Variants in MTM1 observed in about 807,000 individuals in gnomAD.
MTM1 encodes myotubularin 1.
In MTM1, 9 loss-of-function variants were observed where a neutral mutation model predicts 52.1. That is an observed-to-expected ratio of 0.17 (90% confidence interval 0.10 to 0.30). The LOEUF is 0.30. Among genes scored for constraint, MTM1 ranks in the 10% least tolerant of loss-of-function variants. The pLI is 1.00. For synonymous variants in MTM1, 136 were observed against 163.8 expected (o/e 0.83, Z 1.29); for missense variants, 277 against 470.7 (o/e 0.59, Z 3.81).
At chrX:150,582,240 A>G (rs2038598728) in intron 1 of MTM1, among the ~76,000 whole-genome samples, 2 of 111,224 alleles carry the variant, frequency 1.8e-5, no homozygotes, top group Non-Finnish European at 3.8e-5. Flanking sequence ...AGTTAGGAGT[A>G]TCTCAGAATG....
chrX:150,591,538 T>C (rs1362273300), intron 1 of MTM1, among the ~76,000 whole-genome samples: 2 of 112,769 alleles, frequency 1.8e-5, no homozygotes, highest in Admixed American at 1.9e-4. Context: ...CTTTCTTGAC[T>C]ATTTCTTAAG....
chrX:150,595,973 G>A (rs1200509104), intron 2 of MTM1, among the ~76,000 whole-genome samples: 1 of 110,833 alleles, frequency 9.0e-6, no homozygotes, highest in Non-Finnish European at 1.9e-5. Context: ...CTTAGTAAAT[G>A]TGAGGAAGTA....
At chrX:150,593,175 G>A (rs1315406577) in intron 2 of MTM1, among the ~76,000 whole-genome samples, 3 of 111,887 alleles carry the variant, frequency 2.7e-5, no homozygotes, top group Non-Finnish European at 5.6e-5. Flanking sequence ...TACCTTATAT[G>A]TGTTAAGTGA....
chrX:150,595,873 T>A (rs1329773289), intron 2 of MTM1, among the ~76,000 whole-genome samples: 1 of 112,698 alleles, frequency 8.9e-6, no homozygotes, highest in Non-Finnish European at 1.9e-5. Flanking sequence ...AGTAAAGTGA[T>A]GTGAAGAATT....
rs1236989114 is a variant in MTM1, at chrX:150,583,498, TATAA to T, written c.-10-9103_-10-9100del. 4.7e-4 allele frequency among the ~76,000 whole-genome samples: 16 copies of T among 33,827 alleles called. 4 individuals carry two copies. Among genetic ancestry groups the T allele is most frequent in the African/African-American group, 1.7e-3 (14 of 8,288 alleles). 29.4% of individuals were successfully genotyped at this position (33,827 alleles called of 115,157 possible). On this transcript the variant is annotated intron_variant, in intron 1 of 14. Coordinates refer to ENST00000370396, the MANE Select transcript of MTM1 (RefSeq NM_000252.3). Reference sequence around the variant, plus strand: ...TAAATTATATATATTATATATAAATTATAAATATATATAATTTATATATATTATA... The same window carrying T: ...TAAATTATATATATTATATATAAATTATATATATAATTTATATATATTATA...
chrX:150,653,077 G>A (rs1412295100), intron 10 of MTM1, among the ~76,000 whole-genome samples: 2 of 111,600 alleles, frequency 1.8e-5, no homozygotes, highest in Admixed American at 9.5e-5. Flanking sequence ...TGAAAGAAAT[G>A]AAAGAAACTG....
chrX:150,573,985 T>C (rs782684421), intron 1 of MTM1, among the ~76,000 whole-genome samples: 3 of 111,516 alleles, frequency 2.7e-5, no homozygotes, highest in Non-Finnish European at 5.7e-5. Flanking sequence ...ACTAGGAGGA[T>C]ATGAGAAACC....
At chrX:150,639,223 C>T (rs1317690082) in intron 7 of MTM1, among the ~76,000 whole-genome samples, 197 bp downstream of exon 7, 6 of 112,309 alleles carry the variant, frequency 5.3e-5, no homozygotes, top group African/African-American at 1.9e-4. Flanking sequence ...CATTCCATTG[C>T]CATATGCAAG....
At chrX:150,630,008 A>T (rs2039639077) in intron 6 of MTM1, among the ~76,000 whole-genome samples, 1 of 112,323 alleles carries the variant, frequency 8.9e-6, no homozygotes, top group African/African-American at 3.2e-5. Context: ...TCTTCATTCC[A>T]TGTACTACCT....
upstream of MTM1, among the ~76,000 whole-genome samples, chrX:150,564,566 A>G (rs1358988344): frequency 2.7e-5 from 3 of 110,717 alleles, no homozygotes; most frequent in Non-Finnish European, 5.7e-5. Flanking sequence ...TATTTTTAGT[A>G]GAGACGGGGT....
At chrX:150,618,929 T>C in intron 5 of MTM1, 109 bp from the exon 6 acceptor site, 8 of 595,125 alleles carry the variant, frequency 1.3e-5, no homozygotes, top group Admixed American at 2.4e-5. Context: ...TTAGATTAAT[T>C]GCCCTTTTAG....
intron 4 of MTM1, among the ~76,000 whole-genome samples, chrX:150,599,886 G>A: frequency 8.9e-6 from 1 of 112,182 alleles, no homozygotes; most frequent in Non-Finnish European, 1.9e-5. Context: ...TAACAACAGC[G>A]AGCTGCATGT....
At chrX:150,666,226 A>C (rs1399911524) in intron 14 of MTM1, among the ~76,000 whole-genome samples, 1 of 111,904 alleles carries the variant, frequency 8.9e-6, no homozygotes, top group Non-Finnish European at 1.9e-5. Flanking sequence ...TGAAGTTTTC[A>C]TTTCTTGTTG....
chrX:150,658,405 A>T (rs222411), intron 11 of MTM1, among the ~76,000 whole-genome samples: 31,189 of 110,534 alleles, frequency 0.28, 4,061 homozygotes, highest in African/African-American at 0.51. Flanking sequence ...CGAGAGATGA[A>T]TAAGTTCAAA....
At chrX:150,563,942 G>A (rs1423211244), upstream of MTM1, among the ~76,000 whole-genome samples, 5 of 111,675 alleles carry the variant, frequency 4.5e-5, no homozygotes, top group Non-Finnish European at 7.5e-5. Flanking sequence ...CTTATCTGCA[G>A]TGAAATTCGC....
At chrX:150,644,402 G>A (rs782554865) in intron 8 of MTM1, among the ~76,000 whole-genome samples, 39 of 111,354 alleles carry the variant, frequency 3.5e-4, no homozygotes, top group Admixed American at 5.7e-4. Context: ...CTACAATGGT[G>A]TTTTTAATTG....
intron 13 of MTM1, among the ~76,000 whole-genome samples, chrX:150,662,393 G>A (rs2040235900): frequency 9.0e-6 from 1 of 111,579 alleles, no homozygotes; most frequent in African/African-American, 3.3e-5. Context: ...GCGCGATCAC[G>A]GCTCACTGCA....
chrX:150,613,853 C>G (rs1328869261), intron 4 of MTM1, among the ~76,000 whole-genome samples: 2 of 112,155 alleles, frequency 1.8e-5, no homozygotes, highest in Non-Finnish European at 3.8e-5. Flanking sequence ...AGACCACTTG[C>G]ACCCAGCGTT....
At chrX:150,668,530 C>CAA (rs59513018) in intron 14 of MTM1, among the ~76,000 whole-genome samples, 11 of 76,049 alleles carry the variant, frequency 1.4e-4, no homozygotes, top group Non-Finnish European at 2.1e-4. Context: ...TCCATCTCTA[C>CAA]AAAAAAAAAA....
Sources: gnomAD v4.1 joint callset for allele counts (sites outside exome capture counted in the v4.1 genomes callset) on GRCh38, gnomAD v4.1.1 for gene constraint, MANE v1.5 for transcripts, NCBI Gene and HGNC (gene_info 2026-07-23, HGNC 2026-07-21) for gene names.